ASTN2: variants seen among roughly 807,000 people sequenced by gnomAD.
The protein encoded by ASTN2 is astrotactin 2.
Under a neutral mutation model 139.8 loss-of-function variants are expected in ASTN2, and 54 were observed. The ratio of observed to expected loss-of-function variants is 0.39; its 90% confidence interval spans 0.31 to 0.48. The LOEUF (loss-of-function observed/expected upper bound fraction) is 0.48, where lower values mean the gene tolerates loss of function less well. Ranked by LOEUF, ASTN2 falls within the 20% of genes least tolerant of loss-of-function variation. The pLI is 0.95. For synonymous variants in ASTN2, 756 were observed against 719.5 expected (o/e 1.05, Z -0.81); for missense variants, 1,565 against 1,725.1 (o/e 0.91, Z 1.64).
At chr9:116,697,579 C>A in intron 16 of ASTN2, 1 of 870,920 alleles carries the variant, frequency 1.1e-6, no homozygotes, top group South Asian at 1.6e-5. Flanking sequence ...AATGACTGGT[C>A]ATAGCTATTC....
intron 3 of ASTN2, among the ~76,000 whole-genome samples, chr9:117,163,431 G>A (rs1428912327): frequency 1.3e-5 from 2 of 152,100 alleles, no homozygotes; most frequent in African/African-American, 2.4e-5. Flanking sequence ...TATAAAGGGT[G>A]ATAGGAAATA....
intron 5 of ASTN2, among the ~76,000 whole-genome samples, chr9:117,071,943 A>C (rs1017901274): frequency 3.3e-5 from 5 of 152,142 alleles, no homozygotes; most frequent in Admixed American, 3.3e-4. Flanking sequence ...CCGGTACCTC[A>C]GATGGAAATG....
At chr9:116,967,225 A>C (rs1026778020) in intron 10 of ASTN2, among the ~76,000 whole-genome samples, 4 of 152,218 alleles carry the variant, frequency 2.6e-5, no homozygotes, top group African/African-American at 9.6e-5. Context: ...TTCTCAAAAA[A>C]ACATTCAAAG....
intron 1 of ASTN2, among the ~76,000 whole-genome samples, chr9:117,389,173 C>T (rs186143106): frequency 1.3e-5 from 2 of 152,240 alleles, no homozygotes; most frequent in East Asian, 1.9e-4. Context: ...AGGTTAATTT[C>T]CTATATGAAA....
chr9:116,868,015 G>A (rs1046781806), intron 10 of ASTN2, among the ~76,000 whole-genome samples: 12 of 152,186 alleles, frequency 7.9e-5, no homozygotes, highest in African/African-American at 2.9e-4. Flanking sequence ...GGGGCGGGGA[G>A]TGGGAGGCAG....
intron 5 of ASTN2, among the ~76,000 whole-genome samples, chr9:117,056,888 C>T (rs1839079801): frequency 6.6e-6 from 1 of 152,152 alleles, no homozygotes; most frequent in Non-Finnish European, 1.5e-5. Context: ...CAGAGCTATC[C>T]ATTACTAGTT....
rs533352601 is a variant in ASTN2 at position 117,288,235 on chromosome 9, T to C, written c.630+3091A>G. On this transcript the variant is annotated intron_variant, in intron 2 of 22. Transcript: ENST00000313400. ...ATTAATATTCAGATGATGCAACCTT[T>C]GGGACAAGGTAGATGCTCGACTCTA... Among the ~76,000 whole-genome samples, 78 of 152,270 alleles carry C rather than the reference T, an allele frequency of 5.1e-4. No individual in the cohort carries two copies. The South Asian group carries it at 0.016, about 31-fold the overall frequency.
intron 19 of ASTN2, among the ~76,000 whole-genome samples, chr9:116,591,664 T>G (rs1354845678): frequency 6.6e-6 from 1 of 152,218 alleles, no homozygotes; most frequent in African/African-American, 2.4e-5. Context: ...ACTTTTTTAA[T>G]GCATAAAGTT....
At chr9:116,940,053 A>G (rs1421926490) in intron 10 of ASTN2, among the ~76,000 whole-genome samples, 2 of 152,240 alleles carry the variant, frequency 1.3e-5, no homozygotes, top group Admixed American at 6.5e-5. Flanking sequence ...ATACTGGATT[A>G]TGATAATAAA....
chr9:116,655,188 G>C (rs1858140400), intron 16 of ASTN2, among the ~76,000 whole-genome samples: 1 of 152,204 alleles, frequency 6.6e-6, no homozygotes, highest in Admixed American at 6.5e-5. Flanking sequence ...ACTGTGTCAT[G>C]CCTAAGTTAT....
At chr9:117,153,917 A>G (rs1189905098) in intron 3 of ASTN2, among the ~76,000 whole-genome samples, 2 of 152,094 alleles carry the variant, frequency 1.3e-5, no homozygotes, top group Non-Finnish European at 2.9e-5. Flanking sequence ...AGGGTATAAA[A>G]ATATGCATTG....
intron 2 of ASTN2, 151 bp downstream of exon 2, chr9:117,291,175 A>G (rs975271471): frequency 8.7e-6 from 9 of 1,032,048 alleles, no homozygotes; most frequent in Non-Finnish European, 1.3e-5. Context: ...AAGTGACATC[A>G]CAGAATCCAT....
At chr9:116,766,443 C>CACACACAT (rs1277044724) in intron 13 of ASTN2, among the ~76,000 whole-genome samples, 4 of 151,786 alleles carry the variant, frequency 2.6e-5, no homozygotes, top group Non-Finnish European at 5.9e-5. Flanking sequence ...CACACATAAA[C>CACACACAT]ACACACATTC....
At chr9:117,298,091 C>T (rs1834780261) in intron 1 of ASTN2, among the ~76,000 whole-genome samples, 1 of 152,174 alleles carries the variant, frequency 6.6e-6, no homozygotes, top group Non-Finnish European at 1.5e-5. Flanking sequence ...GTCAAACTGA[C>T]CATATAATTC....
At chr9:116,507,880 TTTTA>T (rs1237097224) in intron 19 of ASTN2, among the ~76,000 whole-genome samples, 1 of 152,102 alleles carries the variant, frequency 6.6e-6, no homozygotes, top group East Asian at 1.9e-4. Flanking sequence ...CTTCTTCTTC[TTTTA>T]TTTATTTATT....
At chr9:116,659,613 T>C (rs561170033) in intron 16 of ASTN2, among the ~76,000 whole-genome samples, 4 of 152,266 alleles carry the variant, frequency 2.6e-5, no homozygotes, top group Non-Finnish European at 5.9e-5. Flanking sequence ...AGCACCAGTT[T>C]TCACTCCTAC....
intron 4 of ASTN2, among the ~76,000 whole-genome samples, chr9:117,105,786 G>A (rs1042797032): frequency 2.0e-5 from 3 of 152,078 alleles, no homozygotes; most frequent in Non-Finnish European, 2.9e-5. Context: ...CCTGACATAC[G>A]GTGTGACTGA....
chr9:117,289,042 G>T (rs1293480868), intron 2 of ASTN2, among the ~76,000 whole-genome samples: 3 of 152,154 alleles, frequency 2.0e-5, no homozygotes, highest in African/African-American at 7.2e-5. Flanking sequence ...GAGACCTCAA[G>T]TCTGTGCTCC....
intron 13 of ASTN2, among the ~76,000 whole-genome samples, chr9:116,764,840 T>C (rs1247969821): frequency 6.6e-6 from 1 of 152,154 alleles, no homozygotes; most frequent in Non-Finnish European, 1.5e-5. Flanking sequence ...TTATTTTAAT[T>C]GGAAGTTGAG....
Sources: allele counts gnomAD v4.1 joint callset (sites outside exome capture counted in the v4.1 genomes callset), GRCh38; gene constraint gnomAD v4.1.1; transcripts MANE v1.5; gene names NCBI Gene and HGNC (gene_info 2026-07-23, HGNC 2026-07-21).